KLHDC10: variants seen among roughly 807,000 people sequenced by gnomAD.
KLHDC10 encodes kelch domain-containing protein 10.
In KLHDC10, 24 loss-of-function variants were observed where a neutral mutation model predicts 56.1. That is an observed-to-expected ratio of 0.43 (90% CI 0.31 to 0.60). The LOEUF is 0.60. Among genes scored for constraint, KLHDC10 ranks in the 20% least tolerant of loss-of-function variants. The pLI is 0.11. For missense variants in KLHDC10, 349 were observed against 567.0 expected (o/e 0.62, Z 3.91); for synonymous variants, 188 against 207.1 (o/e 0.91, Z 0.79).
At chr7:130,106,361 G>T (rs1796008300) in intron 2 of KLHDC10, among the ~76,000 whole-genome samples, 1 of 151,956 alleles carries the variant, frequency 6.6e-6, no homozygotes, top group Non-Finnish European at 1.5e-5. Context: ...AAGTGTTAGG[G>T]GTAATAAGAT....
intron 3 of KLHDC10, among the ~76,000 whole-genome samples, chr7:130,119,086 A>G (rs905345572): frequency 1.3e-5 from 2 of 151,610 alleles, no homozygotes; most frequent in African/African-American, 4.9e-5. Flanking sequence ...GCCTGTACAT[A>G]TAGTCCCAGC....
chr7:130,118,106 G>A (rs1174220863), intron 3 of KLHDC10, among the ~76,000 whole-genome samples: 1 of 152,010 alleles, frequency 6.6e-6, no homozygotes, highest in Non-Finnish European at 1.5e-5. Context: ...CTGGGAAGGT[G>A]GGGGTTGCAA....
At chr7:130,111,958 T>G (rs1796107151) in intron 2 of KLHDC10, among the ~76,000 whole-genome samples, 1 of 152,202 alleles carries the variant, frequency 6.6e-6, no homozygotes, top group Admixed American at 6.5e-5. Flanking sequence ...TGGCATAACA[T>G]TGCTGGGAGT....
chr7:130,103,475 T>C (rs35089974), intron 2 of KLHDC10, among the ~76,000 whole-genome samples: 30,533 of 148,604 alleles, frequency 0.21, 3,689 homozygotes, highest in Non-Finnish European at 0.27. Context: ...CTTTCATGTA[T>C]AAAGGACCAA....
At chr7:130,096,710 TG>T (rs1301337927) in intron 1 of KLHDC10, among the ~76,000 whole-genome samples, 1 of 152,210 alleles carries the variant, frequency 6.6e-6, no homozygotes, top group Non-Finnish European at 1.5e-5. Flanking sequence ...TGTATTCTTT[TG>T]GGGGTAAGAG....
At chr7:130,106,484 CTAAA>C (rs1282122404) in intron 2 of KLHDC10, among the ~76,000 whole-genome samples, 2 of 152,136 alleles carry the variant, frequency 1.3e-5, no homozygotes, top group Admixed American at 6.5e-5. Flanking sequence ...AGGGACAAAT[CTAAA>C]TAAGAAATCA....
At chr7:130,102,757 C>T (rs1192767332) in intron 2 of KLHDC10, among the ~76,000 whole-genome samples, 1 of 151,824 alleles carries the variant, frequency 6.6e-6, no homozygotes, top group Non-Finnish European at 1.5e-5. Context: ...ACCTGGGAGG[C>T]AAAGGTTGCA....
intron 8 of KLHDC10, among the ~76,000 whole-genome samples, chr7:130,128,889 A>AAAAAAAAAATATATATATATATATAT: frequency 3.0e-5 from 2 of 66,956 alleles, no homozygotes; most frequent in Non-Finnish European, 5.5e-5. Context: ...AAAAAAAAAA[A>AAAAAAAAAATATATATATATATATAT]ATATATATAT....
In KLHDC10 at chr7:130,130,803, T is replaced by C; in HGVS notation, c.*57T>C. On this transcript the variant is annotated 3_prime_UTR_variant, in exon 10 of 10. Coordinates refer to ENST00000335420, the MANE Select transcript of KLHDC10 (RefSeq NM_014997.4). The surrounding 1 kb of genome is among the most constrained non-coding windows in gnomAD (Gnocchi z 4.2). ...TGTTAATTTAAAGAGACTCCTTTAT[T>C]TATGGGCAGTGTAGAATGTGCTACA... 1 of 1,507,734 alleles carries C rather than the reference T, an allele frequency of 6.6e-7. No homozygotes were observed. Among genetic ancestry groups the C allele is most frequent in the South Asian group, 1.1e-5 (1 of 88,508 alleles). 93.4% of individuals were successfully genotyped at this position (1,507,734 alleles called of 1,614,324 possible). A position where few individuals can be genotyped will look rare whatever the true frequency, so the allele number is the denominator to read the frequency against.
At chr7:130,085,660 C>T (rs1795678133) in intron 1 of KLHDC10, among the ~76,000 whole-genome samples, 1 of 150,980 alleles carries the variant, frequency 6.6e-6, no homozygotes, top group Admixed American at 6.6e-5. Flanking sequence ...CATGGCAAAA[C>T]CCCATCTCTA....
At chr7:130,113,197 G>C (rs1459112095) in intron 2 of KLHDC10, among the ~76,000 whole-genome samples, 1 of 152,118 alleles carries the variant, frequency 6.6e-6, no homozygotes, top group African/African-American at 2.4e-5. Context: ...ATATGTTATG[G>C]CTCATGGCTA....
chr7:130,102,886 A>G (rs982229580), intron 2 of KLHDC10, among the ~76,000 whole-genome samples: 4 of 152,214 alleles, frequency 2.6e-5, no homozygotes, highest in Admixed American at 2.6e-4. Context: ...TGATTAATGA[A>G]TTAGTTTTAT....
At chr7:130,083,994 T>C (rs1023107331) in intron 1 of KLHDC10, among the ~76,000 whole-genome samples, 10 of 152,200 alleles carry the variant, frequency 6.6e-5, no homozygotes, top group African/African-American at 2.4e-4. Context: ...CCTTCTCTTT[T>C]CAACTTACTT....
chr7:130,118,025 T>G (rs952229198), intron 3 of KLHDC10, among the ~76,000 whole-genome samples: 1 of 151,254 alleles, frequency 6.6e-6, no homozygotes, highest in Non-Finnish European at 1.5e-5. Context: ...CAAAAAAAAT[T>G]AGCTGGGCAT....
intron 4 of KLHDC10, among the ~76,000 whole-genome samples, chr7:130,121,640 C>T (rs1317054479): frequency 6.6e-6 from 1 of 152,186 alleles, no homozygotes; most frequent in African/African-American, 2.4e-5. Flanking sequence ...CATCAGGTTC[C>T]TTGAACTGCT....
chr7:130,124,896 G>A (rs903755170), intron 6 of KLHDC10, among the ~76,000 whole-genome samples: 3 of 152,138 alleles, frequency 2.0e-5, no homozygotes, highest in African/African-American at 7.2e-5. Context: ...TATCTAAAAA[G>A]AACAGGCTTG....
rs1284302740 is a variant in KLHDC10, at chr7:130,134,387, C to CT, written c.*3642dup. 1 of 152,234 alleles carries CT rather than the reference C, an allele frequency of 6.6e-6. No individual in the cohort carries two copies. The highest frequency in any genetic ancestry group is 2.4e-5 in the African/African-American group (1 of 41,456). 9.4% of individuals were successfully genotyped at this position (152,234 alleles called of 1,614,324 possible). ...TAGCTCTTCAGCGTCATCTCCTGCC[C>CT]TGAGCTCCAGGCCATCTCTCTAACC... On this transcript the variant is annotated 3_prime_UTR_variant, in exon 10 of 10. Transcript: ENST00000335420.
intron 1 of KLHDC10, among the ~76,000 whole-genome samples, chr7:130,081,653 A>G (rs1245571177): frequency 6.6e-6 from 1 of 152,206 alleles, no homozygotes; most frequent in Non-Finnish European, 1.5e-5. Flanking sequence ...GTCTGTGAAC[A>G]TGTTGTATTT....
At position 130,133,945 on chromosome 7, in the gene KLHDC10, A is replaced by G. The variant is rs1265197291; in HGVS notation, c.*3199A>G. 4.6e-5 allele frequency: 7 copies of G among 152,258 alleles called. No homozygotes were observed. Among genetic ancestry groups the G allele is most frequent in the African/African-American group, 9.6e-5 (4 of 41,470 alleles). 9.4% of individuals were successfully genotyped at this position (152,258 alleles called of 1,614,324 possible). On this transcript the variant is annotated 3_prime_UTR_variant, in exon 10 of 10. Transcript: ENST00000335420. ...GGCAGAATCTCCTTTTTTCAGGGCC[A>G]TAATGACATGATGTAAAAATTTGCT...
Sources: allele counts gnomAD v4.1 joint callset (sites outside exome capture counted in the v4.1 genomes callset), GRCh38; gene constraint gnomAD v4.1.1; non-coding constraint Gnocchi (gnomAD v3.1); transcripts MANE v1.5; gene names NCBI Gene and HGNC (gene_info 2026-07-23, HGNC 2026-07-21).